Variants in MAMDC2 observed in about 807,000 individuals in gnomAD.
MAMDC2 encodes the protein MAM domain containing 2.
Under a neutral mutation model 89.8 loss-of-function variants are expected in MAMDC2, and 57 were observed. The ratio of observed to expected loss-of-function variants is 0.63; its 90% CI spans 0.51 to 0.79. The LOEUF (loss-of-function observed/expected upper bound fraction) is 0.79. MAMDC2 is among the 30% of genes least tolerant of loss of function. MAMDC2 has a pLI of 0.00. For missense variants in MAMDC2, 800 were observed against 820.6 expected (o/e 0.97, Z 0.31); for synonymous variants, 313 against 293.4 (o/e 1.07, Z -0.68).
At chr9:70,216,985 T>C (rs569818304) in intron 11 of MAMDC2, among the ~76,000 whole-genome samples, 2 of 152,184 alleles carry the variant, frequency 1.3e-5, no homozygotes, top group African/African-American at 4.8e-5. Context: ...TCGGACAGAA[T>C]GCATACAATG....
intron 11 of MAMDC2, among the ~76,000 whole-genome samples, chr9:70,203,059 A>T (rs1203080148): frequency 3.9e-5 from 6 of 152,160 alleles, no homozygotes; most frequent in African/African-American, 1.2e-4. Context: ...ATTTATATTT[A>T]AAGTTAATAT....
chr9:70,078,360 A>G (rs1827582045), intron 2 of MAMDC2, among the ~76,000 whole-genome samples: 1 of 152,188 alleles, frequency 6.6e-6, no homozygotes, highest in South Asian at 2.1e-4. Context: ...CGTCAACCTA[A>G]AGTGAAGAGG....
rs1220315580 is a variant in MAMDC2, at chr9:70,107,628, G to T, written c.149-583G>T. Among the ~76,000 whole-genome samples the T allele has an allele frequency of 5.3e-5, 8 of 152,198 alleles. No individual in the cohort carries two copies. The East Asian group carries it at 1.5e-3, about 29-fold the overall frequency. On this transcript the variant is annotated intron_variant, in intron 2 of 13. Transcript: ENST00000377182. ...CTTATTCCTAATTTAATAAAAAATA[G>T]CTTACAATGTACTTTTTCTGCCTAG... is the stretch of plus-strand genomic sequence containing the variant.
intron 11 of MAMDC2, among the ~76,000 whole-genome samples, chr9:70,195,964 T>C (rs2032967059): frequency 6.6e-6 from 1 of 152,100 alleles, no homozygotes; most frequent in Non-Finnish European, 1.5e-5. Context: ...TGAGACTGGA[T>C]AATTTATAAA....
chr9:70,209,597 C>T (rs565459179), intron 11 of MAMDC2, among the ~76,000 whole-genome samples: 17 of 56,672 alleles, frequency 3.0e-4, no homozygotes, highest in African/African-American at 5.3e-4. Context: ...CCTGGATTCA[C>T]TGATTTTTTT....
At chr9:70,091,673 T>C (rs1159526271) in intron 2 of MAMDC2, among the ~76,000 whole-genome samples, 2 of 152,188 alleles carry the variant, frequency 1.3e-5, no homozygotes, top group Non-Finnish European at 2.9e-5. Context: ...CTTCCTGATT[T>C]AGGAAATGAA....
intron 2 of MAMDC2, among the ~76,000 whole-genome samples, chr9:70,057,297 A>C (rs1282980344): frequency 2.6e-5 from 4 of 152,318 alleles, no homozygotes; most frequent in African/African-American, 7.2e-5. Context: ...ATGATGTCTT[A>C]ATTTCTGTCA....
At chr9:70,204,731 G>A (rs914087190) in intron 11 of MAMDC2, among the ~76,000 whole-genome samples, 26 of 152,074 alleles carry the variant, frequency 1.7e-4, no homozygotes, top group African/African-American at 5.3e-4. Flanking sequence ...AGGACCCTCC[G>A]AGCCAGGTGT....
rs1017319343 is a variant in MAMDC2, at chr9:70,086,471, G to A, written c.149-21740G>A. 3.9e-5 allele frequency: 6 copies of A among 152,260 alleles called. No homozygotes were observed. The East Asian group carries it at 9.6e-4, about 24-fold the overall frequency. 9.4% of individuals were successfully genotyped at this position (152,260 alleles called of 1,614,324 possible). A position where few individuals can be genotyped will look rare whatever the true frequency, so the allele number is the denominator to read the frequency against. ...AGCCTTCAAGCACACCACCCTCTGT[G>A]TTCTAGCTATGAAGAGGTTGCTTGC... On this transcript the variant is annotated intron_variant, in intron 2 of 13. Coordinates refer to ENST00000377182, the MANE Select transcript of MAMDC2 (RefSeq NM_153267.5).
At chr9:70,170,182 A>G (rs2032291120) in intron 10 of MAMDC2, 2 of 327,242 alleles carry the variant, frequency 6.1e-6, no homozygotes. Context: ...TAATTTCCAG[A>G]GCTTTATAAA....
chr9:70,217,293 T>G, intron 11 of MAMDC2: 4 of 1,324,342 alleles, frequency 3.0e-6, no homozygotes, highest in Non-Finnish European at 4.4e-6. Context: ...AGTTTCTTAA[T>G]GCGAAATGCG....
chr9:70,130,273 C>A lies in MAMDC2; in HGVS notation c.901-1246C>A, dbSNP rs558764751. On this transcript the variant is annotated intron_variant, in intron 6 of 13. Coordinates refer to ENST00000377182, the MANE Select transcript of MAMDC2 (RefSeq NM_153267.5). ...AACCCATAACAGGCCTGACTTCCCA[C>A]ATATCAGCAATTGATGAGGCTGAGT... Among the ~76,000 whole-genome samples, 6 of 152,234 alleles carry A rather than the reference C, an allele frequency of 3.9e-5. No homozygotes were observed. In the South Asian group the frequency reaches 1.2e-3, roughly 32 times the overall value.
chr9:70,103,610 GA>G (rs560294392), intron 2 of MAMDC2, among the ~76,000 whole-genome samples: 49 of 140,494 alleles, frequency 3.5e-4, no homozygotes, highest in African/African-American at 1.0e-3. Flanking sequence ...GCCAAAGGCA[GA>G]AAAAAAAAAA....
chr9:70,089,774 G>T (rs1315027181), intron 2 of MAMDC2, among the ~76,000 whole-genome samples: 2 of 152,152 alleles, frequency 1.3e-5, no homozygotes, highest in Non-Finnish European at 2.9e-5. Context: ...ATTTCTCATA[G>T]GACTGCAGTG....
At chr9:70,064,718 G>T (rs1421974937) in intron 2 of MAMDC2, among the ~76,000 whole-genome samples, 3 of 152,172 alleles carry the variant, frequency 2.0e-5, no homozygotes, top group Non-Finnish European at 4.4e-5. Context: ...TGTAAATGAG[G>T]AACTACAGAA....
At chr9:70,147,019 G>A (rs1479921597) in intron 9 of MAMDC2, among the ~76,000 whole-genome samples, 1 of 147,388 alleles carries the variant, frequency 6.8e-6, no homozygotes, top group African/African-American at 2.5e-5. Context: ...ACTTCGGAAG[G>A]CCAAGGCAGG....
intron 2 of MAMDC2, among the ~76,000 whole-genome samples, chr9:70,065,424 T>TA (rs767142240): frequency 6.3e-4 from 96 of 152,208 alleles, no homozygotes; most frequent in Non-Finnish European, 1.2e-3. Context: ...TTTAAAATAG[T>TA]ATTTTAGTCT....
intron 2 of MAMDC2, among the ~76,000 whole-genome samples, chr9:70,076,300 A>T (rs1827532332): frequency 6.6e-6 from 1 of 152,080 alleles, no homozygotes; most frequent in Admixed American, 6.6e-5. Context: ...AGGCACCTGT[A>T]GTTTCAGCTA....
intron 2 of MAMDC2, among the ~76,000 whole-genome samples, chr9:70,060,800 G>A (rs1177675887): frequency 1.3e-5 from 2 of 152,214 alleles, no homozygotes; most frequent in East Asian, 3.9e-4. Flanking sequence ...ATGTTGAATT[G>A]GTTGAATGAA....
Sources: allele counts gnomAD v4.1 joint callset (sites outside exome capture counted in the v4.1 genomes callset), GRCh38; gene constraint gnomAD v4.1.1; transcripts MANE v1.5; gene names NCBI Gene and HGNC (gene_info 2026-07-23, HGNC 2026-07-21).